GALNTL6: variants seen among roughly 807,000 people sequenced by gnomAD.
The protein encoded by GALNTL6 is polypeptide N-acetylgalactosaminyltransferase like 6.
Under a neutral mutation model 73.7 loss-of-function variants are expected in GALNTL6, and 46 were observed. That is an observed-to-expected ratio of 0.62 (90% CI 0.49 to 0.80). The LOEUF (loss-of-function observed/expected upper bound fraction) is 0.80, where lower values mean the gene tolerates loss of function less well. GALNTL6 is among the 30% of genes least tolerant of loss of function. The probability of loss-of-function intolerance (pLI) is 0.00; values close to 1 mark genes in which losing one functional copy is unlikely to be tolerated. For synonymous variants in GALNTL6, 259 were observed against 263.7 expected, an observed-to-expected ratio of 0.98 and a Z score of 0.17; for missense variants, 604 against 755.0, an observed-to-expected ratio of 0.80 and a Z score of 2.34.
chr4:172,024,020 T>C (rs1182273560), intron 2 of GALNTL6, among the ~76,000 whole-genome samples: 1 of 151,898 alleles, frequency 6.6e-6, no homozygotes, highest in Non-Finnish European at 1.5e-5. Flanking sequence ...TCTACTGGTC[T>C]AAATTTGGCC....
chr4:172,637,511 A>C (rs1739752318), intron 5 of GALNTL6, among the ~76,000 whole-genome samples: 1 of 152,204 alleles, frequency 6.6e-6, no homozygotes, highest in South Asian at 2.1e-4. Flanking sequence ...CACTAGTCAA[A>C]AATATTAATC....
chr4:173,036,424 C>T (rs78831535), intron 12 of GALNTL6, among the ~76,000 whole-genome samples: 126 of 152,264 alleles, frequency 8.3e-4, no homozygotes, highest in Middle Eastern at 3.4e-3. Context: ...ATCAAGTCCA[C>T]GGGCCTGCTA....
chr4:173,020,477 T>C (rs2126513923), intron 11 of GALNTL6, among the ~76,000 whole-genome samples: 1 of 152,304 alleles, frequency 6.6e-6, no homozygotes, highest in East Asian at 1.9e-4. Flanking sequence ...AACTTCTGTT[T>C]CTATTGGAAT....
intron 10 of GALNTL6, among the ~76,000 whole-genome samples, chr4:172,998,442 T>A (rs1451473969): frequency 6.6e-6 from 1 of 152,190 alleles, no homozygotes; most frequent in Non-Finnish European, 1.5e-5. Flanking sequence ...AATATCCCTA[T>A]CCCCAAAATG....
At chr4:172,947,656 G>C (rs1749235442) in intron 9 of GALNTL6, among the ~76,000 whole-genome samples, 1 of 150,344 alleles carries the variant, frequency 6.7e-6, no homozygotes, top group Admixed American at 6.6e-5. Flanking sequence ...GGACTACTCA[G>C]ATTGATTTAT....
chr4:172,380,294 G>T, intron 5 of GALNTL6: 1 of 753,610 alleles, frequency 1.3e-6, no homozygotes, highest in East Asian at 2.6e-5. Context: ...TTTAGGGGCT[G>T]CCATTGGGTA....
chr4:173,024,434 C>T (rs943265725), intron 12 of GALNTL6, among the ~76,000 whole-genome samples: 2 of 152,228 alleles, frequency 1.3e-5, no homozygotes, highest in Non-Finnish European at 2.9e-5. Context: ...CCTATTCAGA[C>T]ACACCTGTTT....
chr4:172,815,601 G>A (rs1438326527), intron 7 of GALNTL6, among the ~76,000 whole-genome samples: 1 of 152,252 alleles, frequency 6.6e-6, no homozygotes, highest in East Asian at 1.9e-4. Context: ...ATCTGCAGTG[G>A]AGACAGTTAT....
At chr4:171,945,582 G>A (rs1486750113) in intron 2 of GALNTL6, among the ~76,000 whole-genome samples, 1 of 151,988 alleles carries the variant, frequency 6.6e-6, no homozygotes, top group Non-Finnish European at 1.5e-5. Context: ...GTATTTTATT[G>A]GCATATAGAA....
intron 7 of GALNTL6, among the ~76,000 whole-genome samples, chr4:172,821,689 A>G (rs866320275): frequency 6.6e-6 from 1 of 152,190 alleles, no homozygotes; most frequent in Non-Finnish European, 1.5e-5. Context: ...AAGACTGTCA[A>G]ACTTTTAAAT....
intron 5 of GALNTL6, among the ~76,000 whole-genome samples, chr4:172,371,778 T>A (rs1742820960): frequency 6.6e-6 from 1 of 152,170 alleles, no homozygotes; most frequent in African/African-American, 2.4e-5. Flanking sequence ...TCCCTGCCTC[T>A]GCCAGCTGCT....
At chr4:172,801,633 A>G (rs1448487003) in intron 5 of GALNTL6, among the ~76,000 whole-genome samples, 2 of 152,028 alleles carry the variant, frequency 1.3e-5, no homozygotes, top group Non-Finnish European at 2.9e-5. Context: ...GCTGTTTACT[A>G]CTCCATAAGG....
chr4:172,915,621 T>A (rs138265646), intron 8 of GALNTL6, among the ~76,000 whole-genome samples: 1 of 152,256 alleles, frequency 6.6e-6, no homozygotes, highest in African/African-American at 2.4e-5. Context: ...TATAAACACT[T>A]CTACGCAAAT....
intron 10 of GALNTL6, among the ~76,000 whole-genome samples, chr4:172,957,092 C>T (rs1749787188): frequency 6.6e-6 from 1 of 152,142 alleles, no homozygotes; most frequent in Admixed American, 6.5e-5. Context: ...TTATAGTTTC[C>T]TGACTCAGGG....
chr4:172,116,282 C>T (rs1020844300), intron 2 of GALNTL6, among the ~76,000 whole-genome samples: 1 of 151,914 alleles, frequency 6.6e-6, no homozygotes, highest in African/African-American at 2.4e-5. Flanking sequence ...AATTATCATC[C>T]AAAATTAAAA....
chr4:171,846,526 G>A (rs1205586998), intron 2 of GALNTL6, among the ~76,000 whole-genome samples: 1 of 151,768 alleles, frequency 6.6e-6, no homozygotes, highest in Non-Finnish European at 1.5e-5. Flanking sequence ...TTGGTGGAGT[G>A]GCCTCAGTTA....
At chr4:172,125,000 A>T (rs887482581) in intron 2 of GALNTL6, among the ~76,000 whole-genome samples, 1 of 152,198 alleles carries the variant, frequency 6.6e-6, no homozygotes, top group Non-Finnish European at 1.5e-5. Flanking sequence ...TTTCAGCATC[A>T]GGCCATAACA....
chr4:172,118,091 T>C (rs1013695721), intron 2 of GALNTL6, among the ~76,000 whole-genome samples: 3 of 151,834 alleles, frequency 2.0e-5, no homozygotes, highest in South Asian at 2.1e-4. Context: ...GTAAATAGAG[T>C]AGTTATAGTA....
intron 12 of GALNTL6, among the ~76,000 whole-genome samples, chr4:173,029,891 C>T (rs565807666): frequency 5.9e-5 from 9 of 152,342 alleles, no homozygotes; most frequent in African/African-American, 2.2e-4. Flanking sequence ...AGCATCCATT[C>T]ATGCCTTCAT....
Sources: allele counts gnomAD v4.1 joint callset (sites outside exome capture counted in the v4.1 genomes callset), GRCh38; gene constraint gnomAD v4.1.1; transcripts MANE v1.5; gene names NCBI Gene and HGNC (gene_info 2026-07-23, HGNC 2026-07-21).